WDR7: variants seen among roughly 807,000 people sequenced by gnomAD.
WDR7 encodes the protein WD repeat-containing protein 7.
WDR7 carries 46 observed loss-of-function variants against 169.4 expected under a neutral mutation model. The ratio of observed to expected loss-of-function variants is 0.27; its 90% CI spans 0.21 to 0.35. WDR7 has a LOEUF of 0.35. Among genes scored for constraint, WDR7 ranks in the 10% least tolerant of loss-of-function variants. WDR7 has a pLI of 1.00. For synonymous variants in WDR7, 612 were observed against 666.8 expected (o/e 0.92, Z 1.27); for missense variants, 1,534 against 1,859.3 (o/e 0.83, Z 3.22).
chr18:56,785,236 A>C (rs9952907), intron 19 of WDR7, among the ~76,000 whole-genome samples: 4,015 of 152,296 alleles, frequency 0.026, 71 homozygotes, highest in African/African-American at 0.051. Context: ...ACCTGCCATC[A>C]ACGTGCTTGT....
At chr18:57,022,613 G>A (rs952670671) in intron 27 of WDR7, among the ~76,000 whole-genome samples, 4 of 152,144 alleles carry the variant, frequency 2.6e-5, no homozygotes, top group African/African-American at 9.7e-5. Flanking sequence ...TATTTTAAAT[G>A]AAATTTTCTA....
intron 25 of WDR7, among the ~76,000 whole-genome samples, chr18:56,945,053 T>A (rs569022243): frequency 1.3e-5 from 2 of 152,350 alleles, no homozygotes; most frequent in East Asian, 3.9e-4. Flanking sequence ...TGTGTATGCA[T>A]GTACACATAC....
chr18:57,009,031 A>T (rs1197208554), intron 26 of WDR7, among the ~76,000 whole-genome samples: 1 of 86,166 alleles, frequency 1.2e-5, no homozygotes, highest in Non-Finnish European at 3.1e-5. Flanking sequence ...TGGATAGTCT[A>T]AGTATAAGTC....
chr18:56,846,094 T>A (rs2045562975), intron 20 of WDR7, among the ~76,000 whole-genome samples: 1 of 152,210 alleles, frequency 6.6e-6, no homozygotes, highest in Non-Finnish European at 1.5e-5. Flanking sequence ...TGATATATTG[T>A]GACAAGGCAG....
rs369250133 is a variant in WDR7, at chr18:56,909,848, G to A, written c.3527-14074G>A. ...CTATTTTGCAAATTTAGTAAAAGAG[G>A]AGTTATATTTGAGGGAAAACTTAGG... On this transcript the variant is annotated intron_variant, in intron 21 of 27. Coordinates refer to ENST00000254442, the MANE Select transcript of WDR7 (RefSeq NM_015285.3). Among the ~76,000 whole-genome samples, 101 of 152,208 alleles carry A rather than the reference G, an allele frequency of 6.6e-4. 2 individuals carry two copies. Among genetic ancestry groups the A allele is most frequent in the Middle Eastern group, 6.8e-3 (2 of 294 alleles).
Position 57,023,967 on chromosome 18 carries a change from T to A in WDR7, c.4270-3037T>A, listed in dbSNP as rs61634577. 2.0e-5 allele frequency among the ~76,000 whole-genome samples: 3 copies of A among 152,328 alleles called. No homozygotes were observed. The South Asian group carries it at 6.2e-4, about 32-fold the overall frequency. The stretch of plus-strand genomic sequence containing the variant: ...CAAGAGAAGACTGCCATCAGCATTT[T>A]GTTGAACAAAAAGGCAAATTATGAA... On this transcript the variant is annotated intron_variant, in intron 27 of 27. Transcript: ENST00000254442.
At chr18:56,997,422 C>T (rs1308571762) in intron 26 of WDR7, among the ~76,000 whole-genome samples, 2 of 151,748 alleles carry the variant, frequency 1.3e-5, no homozygotes, top group African/African-American at 4.8e-5. Flanking sequence ...GTATTAATGA[C>T]TCAAACCAGA....
intron 13 of WDR7, among the ~76,000 whole-genome samples, chr18:56,726,332 CA>C (rs1262980067): frequency 6.6e-6 from 1 of 152,138 alleles, no homozygotes; most frequent in Non-Finnish European, 1.5e-5. Flanking sequence ...TTTCATTGAG[CA>C]GTGGTTTGTA....
chr18:56,821,518 T>C (rs2045095902), intron 20 of WDR7, among the ~76,000 whole-genome samples: 1 of 152,172 alleles, frequency 6.6e-6, no homozygotes, highest in South Asian at 2.1e-4. Context: ...AGTAACACAT[T>C]AAACTTTGGA....
intron 21 of WDR7, among the ~76,000 whole-genome samples, chr18:56,886,852 T>C (rs2046203853): frequency 6.6e-6 from 1 of 152,120 alleles, no homozygotes; most frequent in Admixed American, 6.6e-5. Context: ...ATCAGACAAA[T>C]TTTAAAGCAA....
chr18:56,667,409 C>A (rs1427661345), intron 1 of WDR7, among the ~76,000 whole-genome samples: 1 of 152,182 alleles, frequency 6.6e-6, no homozygotes, highest in Non-Finnish European at 1.5e-5. Context: ...AACCCTCATA[C>A]TATCTCAAAA....
chr18:56,906,841 CTA>C (rs2046484749), intron 21 of WDR7, among the ~76,000 whole-genome samples: 1 of 152,172 alleles, frequency 6.6e-6, no homozygotes, highest in Non-Finnish European at 1.5e-5. Context: ...CATGCCCAGT[CTA>C]CACTTCTTTC....
intron 21 of WDR7, among the ~76,000 whole-genome samples, chr18:56,912,844 C>G (rs1316796719): frequency 6.6e-6 from 1 of 151,960 alleles, no homozygotes; most frequent in Non-Finnish European, 1.5e-5. Context: ...TCCATGGCCT[C>G]TGAGCCATCT....
intron 26 of WDR7, among the ~76,000 whole-genome samples, chr18:57,001,770 A>C (rs1023731544): frequency 6.6e-6 from 1 of 152,170 alleles, no homozygotes; most frequent in African/African-American, 2.4e-5. Flanking sequence ...AATTTTATAT[A>C]AATGGAATCA....
At chr18:56,665,040 T>A (rs2024987097) in intron 1 of WDR7, among the ~76,000 whole-genome samples, 1 of 152,154 alleles carries the variant, frequency 6.6e-6, no homozygotes. Context: ...ATGGCTGTAA[T>A]CCCAGCACCT....
intron 22 of WDR7, among the ~76,000 whole-genome samples, chr18:56,925,946 T>C (rs2046801021): frequency 1.3e-5 from 2 of 152,212 alleles, no homozygotes; most frequent in Middle Eastern, 3.2e-3. Flanking sequence ...TCCTAAGATA[T>C]ATTAAATGAG....
chr18:56,900,137 G>A, intron 21 of WDR7, among the ~76,000 whole-genome samples: 1 of 147,830 alleles, frequency 6.8e-6, no homozygotes, highest in African/African-American at 2.5e-5. Context: ...TTTGATTTAG[G>A]CATTTTAGTA....
At chr18:56,876,901 G>C (rs1176863873) in intron 20 of WDR7, among the ~76,000 whole-genome samples, 1 of 152,034 alleles carries the variant, frequency 6.6e-6, no homozygotes, top group Non-Finnish European at 1.5e-5. Flanking sequence ...ACTAATTTGG[G>C]GCTGGGCACA....
chr18:56,750,648 G>T (rs966153941), intron 14 of WDR7, among the ~76,000 whole-genome samples: 1 of 152,184 alleles, frequency 6.6e-6, no homozygotes, highest in African/African-American at 2.4e-5. Context: ...TTCTGGATCC[G>T]ATAGTCCGTA....
Sources: gnomAD v4.1 joint callset for allele counts (sites outside exome capture counted in the v4.1 genomes callset) on GRCh38, gnomAD v4.1.1 for gene constraint, MANE v1.5 for transcripts, NCBI Gene and HGNC (gene_info 2026-07-23, HGNC 2026-07-21) for gene names.